PDZD2: variants seen among roughly 807,000 people sequenced by gnomAD.
PDZD2 encodes the protein PDZ domain-containing protein 2.
In PDZD2, 90 loss-of-function variants were observed where a neutral mutation model predicts 220.7. The observed-to-expected ratio is 0.41, with a 90% CI of 0.34 to 0.49. PDZD2 has a LOEUF of 0.49. PDZD2 is among the 20% of genes least tolerant of loss of function. PDZD2 has a pLI of 0.28. For missense variants in PDZD2, 3,174 were observed against 3,608.5 expected, an observed-to-expected ratio of 0.88 and a Z score of 3.08; for synonymous variants, 1,375 against 1,450.5, an observed-to-expected ratio of 0.95 and a Z score of 1.18.
chr5:31,726,850 C>T (rs775251098), intron 1 of PDZD2, among the ~76,000 whole-genome samples: 15 of 152,214 alleles, frequency 9.9e-5, no homozygotes, highest in African/African-American at 2.6e-4. Context: ...TACCTAAGAC[C>T]GGGTAAATTA....
At chr5:31,997,987 C>CGCTT (rs1751778586) in intron 4 of PDZD2, among the ~76,000 whole-genome samples, 1 of 152,096 alleles carries the variant, frequency 6.6e-6, no homozygotes, top group African/African-American at 2.4e-5. Context: ...GGACTACAGG[C>CGCTT]GCTTGCCACC....
intron 2 of PDZD2, among the ~76,000 whole-genome samples, chr5:31,933,918 G>A (rs928484829): frequency 2.6e-5 from 4 of 152,156 alleles, no homozygotes; most frequent in South Asian, 2.1e-4. Flanking sequence ...AACTTGGGTC[G>A]GTTAGGTGGC....
chr5:31,775,059 G>A (rs555927155), intron 1 of PDZD2, among the ~76,000 whole-genome samples: 1 of 152,186 alleles, frequency 6.6e-6, no homozygotes, highest in Non-Finnish European at 1.5e-5. Context: ...GAAACATCGA[G>A]AGCCAACTCC....
rs756836471 is a variant in PDZD2, at chr5:32,022,194, T to TG, written c.1407+11712_1407+11713insG. 3.1e-3 allele frequency among the ~76,000 whole-genome samples: 448 copies of TG among 142,226 alleles called. 5 individuals carry two copies. Among genetic ancestry groups the TG allele is most frequent in the Non-Finnish European group, 5.0e-3 (333 of 65,952 alleles). The allele number at this position is 142,226 out of a possible 152,430, so 93.3% of individuals were successfully genotyped here. A position where few individuals can be genotyped will look rare whatever the true frequency, so the allele number is the denominator to read the frequency against. On this transcript the variant is annotated intron_variant, in intron 6 of 24. Transcript: ENST00000438447. ...TTCGTTTTGTTTTTTTGTTTTTTTG[T>TG]TTTTTGTTTTTTTTTGGAGTTGGGG... is the stretch of plus-strand genomic sequence containing the variant.
At chr5:31,689,891 G>A (rs75892724) in intron 1 of PDZD2, among the ~76,000 whole-genome samples, 7,846 of 152,092 alleles carry the variant, frequency 0.052, 690 homozygotes, top group African/African-American at 0.18. Flanking sequence ...CTCTGGGTGG[G>A]GTCTTGGCTT....
intron 21 of PDZD2, among the ~76,000 whole-genome samples, chr5:32,094,244 A>C (rs1407921788): frequency 6.6e-6 from 1 of 152,228 alleles, no homozygotes; most frequent in Non-Finnish European, 1.5e-5. Flanking sequence ...AAAATCTTTC[A>C]GTAAATCAGT....
chr5:31,956,260 C>T (rs564665352), intron 2 of PDZD2, among the ~76,000 whole-genome samples: 1 of 151,338 alleles, frequency 6.6e-6, no homozygotes, highest in South Asian at 2.1e-4. Flanking sequence ...TCTTCCGTTC[C>T]GTTAATATTT....
intron 2 of PDZD2, chr5:31,822,836 T>C (rs1755966532): frequency 3.7e-6 from 3 of 812,172 alleles, no homozygotes; most frequent in Admixed American, 1.8e-5. Flanking sequence ...ATGATGTTGA[T>C]GGGGAAGTGC....
At chr5:31,915,311 C>T (rs937408021) in intron 2 of PDZD2, among the ~76,000 whole-genome samples, 9 of 152,148 alleles carry the variant, frequency 5.9e-5, no homozygotes, top group Admixed American at 2.6e-4. Flanking sequence ...GATTCAGCCT[C>T]GTGGCCCCCA....
chr5:31,909,960 T>G (rs1030058371), intron 2 of PDZD2, among the ~76,000 whole-genome samples: 4 of 152,188 alleles, frequency 2.6e-5, no homozygotes, highest in Non-Finnish European at 5.9e-5. Flanking sequence ...CCTCCATACC[T>G]TCATCCCTTC....
intron 2 of PDZD2, among the ~76,000 whole-genome samples, chr5:31,803,750 G>T (rs1754543471): frequency 6.6e-6 from 1 of 152,064 alleles, no homozygotes; most frequent in Non-Finnish European, 1.5e-5. Context: ...CAAGAATACA[G>T]AAAATAGGGG....
intron 1 of PDZD2, among the ~76,000 whole-genome samples, chr5:31,751,714 T>A (rs1293421388): frequency 1.3e-5 from 2 of 152,152 alleles, no homozygotes. Context: ...TCGGTAACAC[T>A]GAGCCTGCCC....
intron 1 of PDZD2, among the ~76,000 whole-genome samples, chr5:31,691,299 A>G (rs9686413): frequency 0.38 from 51,673 of 136,978 alleles, 10,060 homozygotes; most frequent in East Asian, 0.52. Flanking sequence ...TCAGGAGTGA[A>G]GCTGCAGACC....
At chr5:31,878,555 C>CTTTTTTTGTTTTTTTTTTTTT (rs1739533427) in intron 2 of PDZD2, among the ~76,000 whole-genome samples, 1 of 48,198 alleles carries the variant, frequency 2.1e-5, no homozygotes. Flanking sequence ...ATGACCTCGG[C>CTTTTTTTGTTTTTTTTTTTTT]TTTTTTTTTT....
intron 1 of PDZD2, among the ~76,000 whole-genome samples, chr5:31,655,852 C>T (rs1745528486): frequency 6.6e-6 from 1 of 152,202 alleles, no homozygotes. Context: ...CTTTTAAGGA[C>T]TTTGCCTCTG....
intron 6 of PDZD2, among the ~76,000 whole-genome samples, chr5:32,035,314 G>A (rs1391246366): frequency 1.3e-5 from 2 of 151,782 alleles, no homozygotes; most frequent in Admixed American, 1.3e-4. Context: ...AGGATGGAGT[G>A]CAGTGGCGTG....
intron 2 of PDZD2, among the ~76,000 whole-genome samples, chr5:31,829,034 C>T (rs1488881125): frequency 6.6e-6 from 1 of 152,160 alleles, no homozygotes; most frequent in African/African-American, 2.4e-5. Flanking sequence ...AAAATGGAGC[C>T]TTTCAGAGAG....
At chr5:31,966,273 A>C (rs191745507) in intron 2 of PDZD2, among the ~76,000 whole-genome samples, 3 of 152,200 alleles carry the variant, frequency 2.0e-5, no homozygotes, top group Non-Finnish European at 4.4e-5. Flanking sequence ...CAGTACACAG[A>C]CTATAGGTAC....
chr5:31,693,679 C>G (rs1747244044), intron 1 of PDZD2, among the ~76,000 whole-genome samples: 1 of 152,106 alleles, frequency 6.6e-6, no homozygotes, highest in Admixed American at 6.5e-5. Flanking sequence ...CAGCTTGAAG[C>G]CAGGAGTTAC....
Sources: gnomAD v4.1 joint callset for allele counts (sites outside exome capture counted in the v4.1 genomes callset) on GRCh38, gnomAD v4.1.1 for gene constraint, MANE v1.5 for transcripts, NCBI Gene and HGNC (gene_info 2026-07-23, HGNC 2026-07-21) for gene names.